Variants in GABRB2 observed in about 807,000 individuals in gnomAD.
The protein encoded by GABRB2 is gamma-aminobutyric acid receptor subunit beta-2.
GABRB2 carries 16 observed loss-of-function variants against 54.7 expected under a neutral mutation model. That is an observed-to-expected ratio of 0.29 (90% CI 0.20 to 0.44). GABRB2 has a LOEUF of 0.44. Ranked by LOEUF, GABRB2 falls within the 20% of genes least tolerant of loss-of-function variation. The pLI, the probability that GABRB2 is intolerant of heterozygous loss-of-function variation, is 1.00. For synonymous variants in GABRB2, 244 were observed against 233.8 expected (o/e 1.04, Z -0.40); for missense variants, 355 against 644.0 (o/e 0.55, Z 4.86).
chr5:161,386,265 T>G (rs1755627809), intron 5 of GABRB2, among the ~76,000 whole-genome samples: 1 of 152,134 alleles, frequency 6.6e-6, no homozygotes, highest in Non-Finnish European at 1.5e-5. Flanking sequence ...TTATTGTGAT[T>G]TAATGGCACA....
chr5:161,517,552 G>A (rs189328852), intron 3 of GABRB2, among the ~76,000 whole-genome samples: 63 of 152,180 alleles, frequency 4.1e-4, no homozygotes, highest in African/African-American at 1.5e-3. Flanking sequence ...ATTGTTGCCT[G>A]GAAAAACACT....
At chr5:161,403,272 A>G (rs538495640) in intron 5 of GABRB2, among the ~76,000 whole-genome samples, 150 of 152,244 alleles carry the variant, frequency 9.9e-4, no homozygotes, top group African/African-American at 3.5e-3. Context: ...CCTAGGAGTG[A>G]GAGTGAAATA....
chr5:161,382,806 C>T (rs1302951985), intron 5 of GABRB2, among the ~76,000 whole-genome samples: 1 of 152,118 alleles, frequency 6.6e-6, no homozygotes, highest in East Asian at 1.9e-4. Context: ...GTCCTATAGG[C>T]CTATTCTTCA....
At chr5:161,528,658 T>C (rs922264197) in intron 3 of GABRB2, among the ~76,000 whole-genome samples, 2 of 151,848 alleles carry the variant, frequency 1.3e-5, no homozygotes, top group African/African-American at 2.4e-5. Flanking sequence ...ACCTAAGGAT[T>C]GTTTGCTTTC....
At chr5:161,415,210 T>C (rs1756630925) in intron 4 of GABRB2, among the ~76,000 whole-genome samples, 1 of 152,124 alleles carries the variant, frequency 6.6e-6, no homozygotes. Context: ...AAGGAAAGAG[T>C]CAATGATGCC....
chr5:161,339,594 A>G (rs1754093877), intron 5 of GABRB2, among the ~76,000 whole-genome samples: 1 of 152,150 alleles, frequency 6.6e-6, no homozygotes, highest in Non-Finnish European at 1.5e-5. Context: ...ATTAAAATAA[A>G]TGCTGTTATT....
intron 5 of GABRB2, among the ~76,000 whole-genome samples, chr5:161,405,236 C>A (rs1169438532): frequency 6.6e-6 from 1 of 152,054 alleles, no homozygotes; most frequent in Non-Finnish European, 1.5e-5. Context: ...TACTGGCTTT[C>A]CAGACTCCAT....
In GABRB2 at chr5:161,293,828, A is replaced by G. The variant is rs1008313252; in HGVS notation, c.*253T>C. ...GCTGCATACTAAACAGACAACATGGAGCACTCAGGCTGTCTAGCCACCATG... is the reference window on the plus strand; with the variant it reads ...GCTGCATACTAAACAGACAACATGGGGCACTCAGGCTGTCTAGCCACCATG... On this transcript the variant is annotated 3_prime_UTR_variant, in exon 10 of 10. Transcript: ENST00000393959. 8.4e-6 allele frequency: 4 copies of G among 475,642 alleles called. No individual in the cohort carries two copies. The highest frequency in any genetic ancestry group is 1.5e-5 in the Non-Finnish European group (4 of 264,190). 29.5% of individuals were successfully genotyped at this position (475,642 alleles called of 1,614,324 possible).
intron 3 of GABRB2, among the ~76,000 whole-genome samples, chr5:161,485,938 G>A (rs1044334221): frequency 7.9e-5 from 12 of 151,910 alleles, no homozygotes; most frequent in African/African-American, 2.7e-4. Flanking sequence ...AAAAAGGAAA[G>A]TACAGCCAAA....
intron 4 of GABRB2, among the ~76,000 whole-genome samples, chr5:161,456,499 A>G: frequency 6.6e-6 from 1 of 152,154 alleles, no homozygotes; most frequent in East Asian, 1.9e-4. Context: ...GGTGATTCCT[A>G]GTATTCTTTA....
chr5:161,339,859 ATC>A (rs1754104061), intron 5 of GABRB2, among the ~76,000 whole-genome samples: 1 of 152,048 alleles, frequency 6.6e-6, no homozygotes, highest in Non-Finnish European at 1.5e-5. Context: ...TTGATGCCAT[ATC>A]TATGTGACTG....
chr5:161,365,480 G>T (rs1295296245), intron 5 of GABRB2, among the ~76,000 whole-genome samples: 1 of 152,020 alleles, frequency 6.6e-6, no homozygotes, highest in African/African-American at 2.4e-5. Context: ...ATATGTATGG[G>T]GTACATAGTG....
chr5:161,489,461 G>A (rs1050446113), intron 3 of GABRB2, among the ~76,000 whole-genome samples: 8 of 151,530 alleles, frequency 5.3e-5, no homozygotes, highest in Admixed American at 5.3e-4. Context: ...TTATGTATGA[G>A]GAAAACAAAA....
chr5:161,495,165 T>C (rs1381206691), intron 3 of GABRB2, among the ~76,000 whole-genome samples: 5 of 151,988 alleles, frequency 3.3e-5, no homozygotes, highest in Non-Finnish European at 7.4e-5. Context: ...TCACAAGTAT[T>C]ATTCCATTTC....
chr5:161,294,102 A>G lies in GABRB2; in HGVS notation c.1518T>C (p.Tyr506=), dbSNP rs753233146. 2.1e-5 allele frequency: 34 copies of G among 1,613,160 alleles called. No individual in the cohort carries two copies. The South Asian group carries it at 3.2e-4, about 15-fold the overall frequency. Residue 506 remains tyrosine (Y), a synonymous_variant, in exon 10 of 10, where the codon TAT becomes TAC. Coordinates refer to ENST00000393959, the MANE Select transcript of GABRB2 (RefSeq NM_001371727.1). Reference sequence around the variant, plus strand: ...TGTTTTAGTTCACATAATAAAGCCAATAGACGATGTTGAAGAAGGAAAAAA... The same window carrying G: ...TGTTTTAGTTCACATAATAAAGCCAGTAGACGATGTTGAAGAAGGAAAAAA... The part of the protein sequence containing the change: ...PVVFSFFNIV[Y]WLYYVN
At chr5:161,431,854 T>C (rs1257147888) in intron 4 of GABRB2, among the ~76,000 whole-genome samples, 1 of 152,194 alleles carries the variant, frequency 6.6e-6, no homozygotes, top group Non-Finnish European at 1.5e-5. Context: ...CAATGCATAA[T>C]TACTGTAAGA....
intron 4 of GABRB2, among the ~76,000 whole-genome samples, chr5:161,430,846 T>G (rs1757153569): frequency 6.6e-6 from 1 of 152,122 alleles, no homozygotes. Flanking sequence ...AGGTGAAAAT[T>G]TCATACTATG....
chr5:161,479,544 GT>G (rs1758691706), intron 3 of GABRB2, among the ~76,000 whole-genome samples: 1 of 150,576 alleles, frequency 6.6e-6, no homozygotes, highest in Admixed American at 6.6e-5. Context: ...GAAAATTTAA[GT>G]TGCTCAAAAT....
At position 161,291,207 on chromosome 5, in the gene GABRB2, A is replaced by T. The variant is rs1388107005; in HGVS notation, c.*2874T>A. ...ATTTTAGAGTCAGAATTTGTCCATG[A>T]ATTTCACAAAGATGAAAAAACACCT... On this transcript the variant is annotated 3_prime_UTR_variant, in exon 10 of 10. Transcript: ENST00000393959. 6.6e-6 allele frequency: 1 copy of T among 152,544 alleles called. No homozygotes were observed. Among genetic ancestry groups the T allele is most frequent in the Admixed American group, 6.6e-5 (1 of 15,250 alleles). 9.4% of individuals were successfully genotyped at this position (152,544 alleles called of 1,614,324 possible). A position where few individuals can be genotyped will look rare whatever the true frequency, so the allele number is the denominator to read the frequency against.
Sources: gnomAD v4.1 joint callset for allele counts (sites outside exome capture counted in the v4.1 genomes callset) on GRCh38, gnomAD v4.1.1 for gene constraint, MANE v1.5 for transcripts, NCBI Gene and HGNC (gene_info 2026-07-23, HGNC 2026-07-21) for gene names.